The following LRP1B variants were observed in gnomAD, a reference collection of about 807,000 sequenced individuals.
LRP1B encodes the protein low-density lipoprotein receptor-related protein 1B.
LRP1B carries 217 observed loss-of-function variants against 556.6 expected under a neutral mutation model. The ratio of observed to expected loss-of-function variants is 0.39; its 90% CI spans 0.35 to 0.44. The LOEUF is 0.44. Among genes scored for constraint, LRP1B ranks in the 20% least tolerant of loss-of-function variants. The pLI is 1.00. For missense variants in LRP1B, 5,053 were observed against 5,620.8 expected (o/e 0.90, Z 3.23); for synonymous variants, 2,047 against 1,865.8 (o/e 1.10, Z -2.50).
chr2:141,402,401 C>G (rs904790445), intron 3 of LRP1B, among the ~76,000 whole-genome samples: 1 of 151,850 alleles, frequency 6.6e-6, no homozygotes, highest in African/African-American at 2.4e-5. Context: ...TGTATTTGGA[C>G]CAAAATATTT....
chr2:142,017,052 C>A (rs1375587173), intron 1 of LRP1B, among the ~76,000 whole-genome samples: 3 of 151,292 alleles, frequency 2.0e-5, no homozygotes, highest in Admixed American at 1.3e-4. Flanking sequence ...AAAGCTGCAT[C>A]TGAGTGAGAT....
chr2:141,893,263 C>T (rs191025671), intron 1 of LRP1B, among the ~76,000 whole-genome samples: 159 of 152,252 alleles, frequency 1.0e-3, no homozygotes, highest in African/African-American at 3.6e-3. Flanking sequence ...TGGAAGGGCA[C>T]GATCTCGGCT....
intron 2 of LRP1B, among the ~76,000 whole-genome samples, chr2:141,581,257 C>T (rs919439994): frequency 1.3e-5 from 2 of 152,180 alleles, no homozygotes; most frequent in Non-Finnish European, 2.9e-5. Flanking sequence ...GGATAATCTC[C>T]AATCCCTAGC....
At chr2:141,928,431 G>A (rs1441955296) in intron 1 of LRP1B, among the ~76,000 whole-genome samples, 1 of 152,132 alleles carries the variant, frequency 6.6e-6, no homozygotes, top group Non-Finnish European at 1.5e-5. Context: ...GGAAGTGAGA[G>A]TAATAATATA....
chr2:141,077,689 C>A (rs1882643), intron 7 of LRP1B, among the ~76,000 whole-genome samples: 1 of 152,112 alleles, frequency 6.6e-6, no homozygotes, highest in Non-Finnish European at 1.5e-5. Flanking sequence ...TGTGGATTAC[C>A]GCATCAGCTC....
chr2:141,502,899 CAGCT>C (rs1447222563), intron 2 of LRP1B, among the ~76,000 whole-genome samples: 1 of 149,646 alleles, frequency 6.7e-6, no homozygotes, highest in African/African-American at 2.4e-5. Context: ...AAAAATAAGA[CAGCT>C]AGGATATATA....
chr2:140,421,920 C>T (rs935736765), intron 66 of LRP1B, among the ~76,000 whole-genome samples: 1 of 152,064 alleles, frequency 6.6e-6, no homozygotes, highest in Non-Finnish European at 1.5e-5. Flanking sequence ...ATCCTGCAGA[C>T]GAAGGGATGA....
At chr2:140,559,630 G>A (rs1309298988) in intron 43 of LRP1B, among the ~76,000 whole-genome samples, 1 of 152,010 alleles carries the variant, frequency 6.6e-6, no homozygotes, top group Non-Finnish European at 1.5e-5. Context: ...GAGAACATGG[G>A]AGTACACTTG....
At chr2:140,656,539 G>A (rs928594860) in intron 41 of LRP1B, among the ~76,000 whole-genome samples, 13 of 152,070 alleles carry the variant, frequency 8.5e-5, no homozygotes, top group African/African-American at 3.1e-4. Context: ...GATATGACCT[G>A]ATACAGAAAA....
chr2:141,006,382 T>A (rs1343874598), intron 14 of LRP1B, among the ~76,000 whole-genome samples: 1 of 152,082 alleles, frequency 6.6e-6, no homozygotes, highest in Non-Finnish European at 1.5e-5. Context: ...AACTTACTCC[T>A]CCTATCTAGC....
At chr2:141,641,118 C>T in intron 2 of LRP1B, among the ~76,000 whole-genome samples, 1 of 152,190 alleles carries the variant, frequency 6.6e-6, no homozygotes, top group African/African-American at 2.4e-5. Flanking sequence ...TATCTTTCCC[C>T]CTCTGTACTG....
intron 32 of LRP1B, among the ~76,000 whole-genome samples, chr2:140,805,056 T>G (rs1235373990): frequency 6.6e-6 from 1 of 152,140 alleles, no homozygotes; most frequent in Admixed American, 6.6e-5. Flanking sequence ...TGGTTCACAT[T>G]GATTGAAAAC....
intron 18 of LRP1B, among the ~76,000 whole-genome samples, chr2:140,953,997 A>G (rs184495120): frequency 6.0e-4 from 91 of 152,290 alleles, no homozygotes; most frequent in African/African-American, 2.1e-3. Context: ...ATTCAGCATA[A>G]GGTTTAAACA....
chr2:141,923,108 G>T (rs190236065), intron 1 of LRP1B, among the ~76,000 whole-genome samples: 3 of 151,706 alleles, frequency 2.0e-5, no homozygotes, highest in African/African-American at 7.2e-5. Context: ...CAAAAATAAA[G>T]ATTAAAAATA....
At chr2:141,361,510 A>G (rs1688825787) in intron 3 of LRP1B, among the ~76,000 whole-genome samples, 1 of 152,194 alleles carries the variant, frequency 6.6e-6, no homozygotes, top group Admixed American at 6.5e-5. Flanking sequence ...GTTGTGTGAA[A>G]CAATTTAAAA....
intron 41 of LRP1B, among the ~76,000 whole-genome samples, chr2:140,636,939 G>T (rs1684090870): frequency 6.6e-6 from 1 of 152,186 alleles, no homozygotes; most frequent in African/African-American, 2.4e-5. Flanking sequence ...CCACCAGATT[G>T]AGAAGATGGC....
chr2:140,518,016 A>C (rs1371458477), intron 49 of LRP1B, among the ~76,000 whole-genome samples: 1 of 151,938 alleles, frequency 6.6e-6, no homozygotes, highest in Non-Finnish European at 1.5e-5. Context: ...GCCTAAATTT[A>C]TCTTTTAACT....
chr2:140,805,521 A>G (rs1690682640), intron 32 of LRP1B, among the ~76,000 whole-genome samples: 1 of 152,212 alleles, frequency 6.6e-6, no homozygotes, highest in Non-Finnish European at 1.5e-5. Flanking sequence ...CCAAATTCTT[A>G]ACTAAAAGTT....
intron 7 of LRP1B, among the ~76,000 whole-genome samples, chr2:141,153,762 T>G (rs960656178): frequency 6.6e-6 from 1 of 150,764 alleles, no homozygotes; most frequent in South Asian, 2.1e-4. Flanking sequence ...CTGTTTGTAT[T>G]GTCTTAATCC....
Sources: allele counts gnomAD v4.1 joint callset (sites outside exome capture counted in the v4.1 genomes callset), GRCh38; gene constraint gnomAD v4.1.1; transcripts MANE v1.5; gene names NCBI Gene and HGNC (gene_info 2026-07-23, HGNC 2026-07-21).